The following FANCC variants were observed in gnomAD, a reference collection of about 807,000 sequenced individuals.
The protein encoded by FANCC is FA complementation group C.
In FANCC, 55 loss-of-function variants were observed where a neutral mutation model predicts 71.3. The observed-to-expected ratio is 0.77, with a 90% CI of 0.62 to 0.97. FANCC has a LOEUF of 0.97. FANCC is among the 50% of genes least tolerant of loss of function. The pLI, the probability that FANCC is intolerant of heterozygous loss-of-function variation, is 0.00. For synonymous variants in FANCC, 275 were observed against 244.9 expected, an observed-to-expected ratio of 1.12 and a Z score of -1.15; for missense variants, 678 against 670.9, an observed-to-expected ratio of 1.01 and a Z score of -0.12.
At chr9:95,243,740 G>A (rs1353771989) in intron 3 of FANCC, among the ~76,000 whole-genome samples, 2 of 152,190 alleles carry the variant, frequency 1.3e-5, no homozygotes, top group East Asian at 3.9e-4. Context: ...CTTGCAGTGA[G>A]CCGAGATCGC....
At chr9:95,236,733 T>C (rs1368109874) in intron 4 of FANCC, among the ~76,000 whole-genome samples, 1 of 152,242 alleles carries the variant, frequency 6.6e-6, no homozygotes, top group Non-Finnish European at 1.5e-5. Flanking sequence ...TAACACAGAA[T>C]GACCCAAGAT....
chr9:95,250,176 T>A (rs1351906732), intron 1 of FANCC, among the ~76,000 whole-genome samples: 1 of 151,986 alleles, frequency 6.6e-6, no homozygotes, highest in African/African-American at 2.4e-5. Flanking sequence ...CCCACAACCC[T>A]TCATCACCCA....
intron 13 of FANCC, among the ~76,000 whole-genome samples, chr9:95,108,109 A>G (rs997790195): frequency 5.9e-5 from 9 of 152,332 alleles, no homozygotes; most frequent in African/African-American, 2.2e-4. Flanking sequence ...GAGAATTCCC[A>G]TGACCGATTT....
intron 1 of FANCC, among the ~76,000 whole-genome samples, chr9:95,285,311 A>G (rs1293065237): frequency 1.3e-5 from 2 of 152,102 alleles, no homozygotes; most frequent in African/African-American, 4.8e-5. Flanking sequence ...AATATCCAAA[A>G]CAGCAAACTG....
chr9:95,280,120 A>C (rs1208247729), intron 1 of FANCC, among the ~76,000 whole-genome samples: 2 of 152,144 alleles, frequency 1.3e-5, no homozygotes, highest in Non-Finnish European at 2.9e-5. Flanking sequence ...ATACAAAAAC[A>C]AGAAACTTAA....
chr9:95,145,823 C>T (rs1163848623), intron 7 of FANCC, among the ~76,000 whole-genome samples: 4 of 152,014 alleles, frequency 2.6e-5, no homozygotes, highest in Admixed American at 6.5e-5. Flanking sequence ...CTCAAGAGGG[C>T]GGACATGCTT....
At chr9:95,188,226 C>T (rs1027266274) in intron 4 of FANCC, among the ~76,000 whole-genome samples, 12 of 152,150 alleles carry the variant, frequency 7.9e-5, no homozygotes, top group East Asian at 1.9e-4. Context: ...TTTTCTATCT[C>T]CCACAAGAGA....
intron 8 of FANCC, among the ~76,000 whole-genome samples, chr9:95,134,206 G>A (rs560469989): frequency 3.3e-5 from 5 of 152,168 alleles, no homozygotes; most frequent in African/African-American, 9.7e-5. Flanking sequence ...AAACGGGATC[G>A]CGGAGGAAGG....
At chr9:95,267,789 A>G (rs1201394522) in intron 1 of FANCC, among the ~76,000 whole-genome samples, 1 of 152,262 alleles carries the variant, frequency 6.6e-6, no homozygotes, top group African/African-American at 2.4e-5. Context: ...ATAAGAAAGT[A>G]TAAATTGAAA....
chr9:95,267,072 G>C (rs543942665), intron 1 of FANCC, among the ~76,000 whole-genome samples: 1 of 152,088 alleles, frequency 6.6e-6, no homozygotes, highest in Non-Finnish European at 1.5e-5. Context: ...GCAAGACCCC[G>C]AGGACAAAAC....
At position 95,114,712 on chromosome 9, in the gene FANCC, T is replaced by C; in HGVS notation, c.1073-2A>G. The C allele has an allele frequency of 6.2e-7, 1 of 1,613,964 alleles. No homozygotes were observed. Among genetic ancestry groups the C allele is most frequent in the Non-Finnish European group, 8.5e-7 (1 of 1,179,834 alleles). ...GGAGCCAGTGTCCCCGAGGGATATC[T>C]GCGGGTGGAGAGAGATACGTCAGAG... On this transcript the variant is annotated splice_acceptor_variant, in intron 11 of 14. Transcript: ENST00000289081. LOFTEE classifies it high-confidence loss of function.
intron 1 of FANCC, among the ~76,000 whole-genome samples, chr9:95,254,771 G>C (rs1260583299): frequency 1.3e-5 from 2 of 152,188 alleles, no homozygotes; most frequent in African/African-American, 4.8e-5. Flanking sequence ...AGGGAGCCAA[G>C]TGGTCTAGCT....
rs1297736656 is a variant in FANCC at position 95,301,908 on chromosome 9, T to C, written c.-79+15618A>G. Among the ~76,000 whole-genome samples, 285 of 117,998 alleles carry C rather than the reference T, an allele frequency of 2.4e-3. 1 individual carries two copies. The highest frequency in any genetic ancestry group is 8.6e-3 in the African/African-American group (264 of 30,684). The allele number at this position is 117,998 out of a possible 152,430, so 77.4% of individuals were successfully genotyped here. A position where few individuals can be genotyped will look rare whatever the true frequency, so the allele number is the denominator to read the frequency against. Reference sequence around the variant, plus strand: ...CTGGCTAACACGGTGAAACCCCATCTCCACTAAAAAAAAAAAAAAAAAAAT... The same window carrying C: ...CTGGCTAACACGGTGAAACCCCATCCCCACTAAAAAAAAAAAAAAAAAAAT... On this transcript the variant is annotated intron_variant, in intron 1 of 14. Transcript: ENST00000289081.
intron 4 of FANCC, among the ~76,000 whole-genome samples, chr9:95,225,751 A>C (rs1829572956): frequency 6.6e-6 from 1 of 152,194 alleles, no homozygotes; most frequent in Non-Finnish European, 1.5e-5. Flanking sequence ...AAAATGAAAA[A>C]AACAAAATAA....
chr9:95,146,487 CAAAAAAAAAAAA>C (rs61093923), intron 7 of FANCC, among the ~76,000 whole-genome samples: 1 of 45,572 alleles, frequency 2.2e-5, no homozygotes, highest in Non-Finnish European at 3.5e-5. Flanking sequence ...GACCCCATCT[CAAAAAAAAAAAA>C]AAAAAAAAAA....
At chr9:95,264,112 AGGAGCCAAATGT>A (rs1832241804) in intron 1 of FANCC, among the ~76,000 whole-genome samples, 1 of 152,230 alleles carries the variant, frequency 6.6e-6, no homozygotes, top group South Asian at 2.1e-4. Flanking sequence ...GAGGCAATGA[AGGAGCCAAATGT>A]GGAACTGCTC....
chr9:95,260,299 A>G (rs892435628), intron 1 of FANCC, among the ~76,000 whole-genome samples: 1 of 152,242 alleles, frequency 6.6e-6, no homozygotes, highest in African/African-American at 2.4e-5. Flanking sequence ...CCAAATGCCC[A>G]TAAATGATAG....
rs71366277 is a variant in FANCC at position 95,161,842 on chromosome 9, CTTTTT to C, written c.521+9232_521+9236del. On this transcript the variant is annotated intron_variant, in intron 6 of 14. Coordinates refer to ENST00000289081, the MANE Select transcript of FANCC (RefSeq NM_000136.3). ...TTCTACTTTCTGCTTCTTTTCTTTT[CTTTTT>C]TTTTTTTTTTTTGAGACATAATCTT... 1.9e-3 allele frequency among the ~76,000 whole-genome samples: 211 copies of C among 110,760 alleles called. 1 individual carries two copies. The highest frequency in any genetic ancestry group is 0.011 in the East Asian group (40 of 3,756). 72.7% of individuals were successfully genotyped at this position (110,760 alleles called of 152,430 possible).
intron 1 of FANCC, among the ~76,000 whole-genome samples, chr9:95,270,142 A>G (rs964915040): frequency 3.9e-5 from 6 of 152,202 alleles, no homozygotes; most frequent in African/African-American, 1.4e-4. Flanking sequence ...ACTTCTTTCT[A>G]CACAGACACA....
Sources: allele counts gnomAD v4.1 joint callset (sites outside exome capture counted in the v4.1 genomes callset), GRCh38; gene constraint gnomAD v4.1.1; transcripts MANE v1.5; gene names NCBI Gene and HGNC (gene_info 2026-07-23, HGNC 2026-07-21).